Variants in PPRC1 observed in about 807,000 individuals in gnomAD.
PPRC1 encodes the protein PPARG related coactivator 1, also known as peroxisome proliferator-activated receptor gamma coactivator-related protein 1.
A neutral mutation model predicts 132.5 loss-of-function variants in PPRC1; 23 were observed. The observed-to-expected ratio is 0.17, with a 90% CI of 0.12 to 0.25. The LOEUF is 0.25. PPRC1 is among the 10% of genes least tolerant of loss of function. The pLI, the probability that PPRC1 is intolerant of heterozygous loss-of-function variation, is 1.00. For missense variants in PPRC1, 2,006 were observed against 2,089.1 expected (o/e 0.96, Z 0.78); for synonymous variants, 872 against 833.5 (o/e 1.05, Z -0.80).
the PPRC1 span, among the ~76,000 whole-genome samples, chr10:102,127,963 A>C: frequency 6.6e-6 from 1 of 152,166 alleles, no homozygotes. Flanking sequence ...TATTGGGATT[A>C]CAGGTGTGAG....
In PPRC1 at chr10:102,146,819, C is replaced by T; in HGVS notation, c.3827C>T (p.Ala1276Val). The T allele has an allele frequency of 1.2e-6, 2 of 1,614,132 alleles. No individual in the cohort carries two copies. Among genetic ancestry groups the T allele is most frequent in the South Asian group, 2.2e-5 (2 of 91,080 alleles). Residue 1276 changes from alanine (A) to valine (V), a missense_variant, in exon 9 of 14, where the codon GCA becomes GTA. Around this residue, in one of 2 missense-constraint regions of PPRC1, gnomAD observed 1,914 missense variants for 1,917.2 expected, o/e 1.00. Coordinates refer to ENST00000278070, the MANE Select transcript of PPRC1 (RefSeq NM_015062.5). ...EGVTEAKHPA[A>V]VRLQEGVHGP... ...GTTACGGAGGCCAAACATCCAGCTG[C>T]AGTTCGCCTCCAAGAAGGGGTCCAT...
At position 102,141,582 on chromosome 10, in the gene PPRC1, C is replaced by T. The variant is rs139030282; in HGVS notation, c.3074C>T (p.Pro1025Leu). The T allele has an allele frequency of 8.7e-4, 1,409 of 1,614,060 alleles. 2 individuals are homozygous for T. The highest frequency in any genetic ancestry group is 1.1e-3 in the Non-Finnish European group (1,347 of 1,180,052). Residue 1025 changes from proline to leucine, a missense_variant, in exon 5 of 14, where the codon CCT (proline) becomes CTT (leucine). Coordinates refer to ENST00000278070, the MANE Select transcript of PPRC1 (RefSeq NM_015062.5). ...KMESRGTPAG[P>L]PENVLPLSMA... ...GAGTCTAGGGGCACTCCAGCTGGCC[C>T]TCCTGAAAATGTACTTCCCTTGTCG...
chr10:102,146,527 G>A (rs1293042688), intron 8 of PPRC1, 145 bp from the exon 9 acceptor site: 2 of 1,169,030 alleles, frequency 1.7e-6, no homozygotes, highest in African/African-American at 1.5e-5. Flanking sequence ...AGGGGCAGTT[G>A]AAGCAGTGGG....
rs759942837 is a variant in PPRC1 at position 102,147,214 on chromosome 10, G to A, written c.4222G>A (p.Ala1408Thr). The A allele has an allele frequency of 6.2e-7, 1 of 1,613,424 alleles. No homozygotes were observed. The highest frequency in any genetic ancestry group is 1.3e-5 in the African/African-American group (1 of 74,928). ...GCGGTCAATGCGCTGTTACCGAAAA[G>A]CCTGCAGGTCAGCCAGCCCCTCAAG... Reference protein sequence around the residue: ...KQRSMRCYRKACRSASPSSQG... With the variant: ...KQRSMRCYRKTCRSASPSSQG... The change falls in exon 9 of 14, where the codon GCC (alanine) becomes ACC (threonine). Residue 1408 changes from alanine (A) to threonine (T), a missense_variant. By Grantham distance (58) the Ala-to-Thr change is moderately conservative (BLOSUM62 0). Coordinates refer to ENST00000278070, the MANE Select transcript of PPRC1 (RefSeq NM_015062.5).
the PPRC1 span, among the ~76,000 whole-genome samples, chr10:102,120,777 G>A: frequency 2.0e-5 from 3 of 152,286 alleles, no homozygotes; most frequent in African/African-American, 7.2e-5. Context: ...GCCGGATGGG[G>A]AGTCTGGCTG....
the PPRC1 span, among the ~76,000 whole-genome samples, chr10:102,127,885 C>T: frequency 4.6e-5 from 7 of 152,086 alleles, no homozygotes; most frequent in Non-Finnish European, 1.0e-4. Context: ...ACAGGGGTTT[C>T]GCTATGTGTC....
intron 2 of PPRC1, among the ~76,000 whole-genome samples, 188 bp from the exon 3 acceptor site, chr10:102,138,431 T>G (rs1330821283): frequency 6.6e-6 from 1 of 152,202 alleles, no homozygotes; most frequent in Non-Finnish European, 1.5e-5. Context: ...GACAGGTCTC[T>G]GTTGACACCA....
intron 6 of PPRC1, among the ~76,000 whole-genome samples, chr10:102,143,934 T>G (rs1184458758): frequency 1.3e-5 from 2 of 152,216 alleles, no homozygotes. Context: ...AAATGTGATT[T>G]GTAGAACAAG....
At chr10:102,147,729 A>C (rs1015186127) in intron 9 of PPRC1, among the ~76,000 whole-genome samples, 11 of 152,128 alleles carry the variant, frequency 7.2e-5, no homozygotes, top group African/African-American at 2.4e-4. Context: ...TATGTGAGGT[A>C]GTGGGTTACT....
chr10:102,144,064 A>G (rs1297603751), intron 6 of PPRC1, among the ~76,000 whole-genome samples, 186 bp from the exon 7 acceptor site: 3 of 152,212 alleles, frequency 2.0e-5, no homozygotes, highest in Non-Finnish European at 4.4e-5. Context: ...CTGAGCAGAA[A>G]AGAGACATGA....
intron 1 of PPRC1, among the ~76,000 whole-genome samples, chr10:102,136,880 C>T (rs912885695): frequency 6.6e-6 from 1 of 152,158 alleles, no homozygotes; most frequent in Non-Finnish European, 1.5e-5. Context: ...ATGCCTGACA[C>T]GAGAGGCCGT....
Position 102,148,342 on chromosome 10 carries a change from A to T in PPRC1, c.4401-30A>T. ...AGCAGAGTATACCTGAACCACTCCC[A>T]GCATTCCTGCATGCCCTCTTATCCT... On this transcript the variant is annotated intron_variant, in intron 9 of 13. Transcript: ENST00000278070. The surrounding 1 kb of genome is among the most constrained non-coding windows in gnomAD (Gnocchi z 4.2). The T allele has an allele frequency of 6.2e-7, 1 of 1,608,950 alleles. No homozygotes were observed. Among genetic ancestry groups the T allele is most frequent in the Non-Finnish European group, 8.5e-7 (1 of 1,177,904 alleles).
the PPRC1 span, among the ~76,000 whole-genome samples, chr10:102,122,584 T>C: frequency 6.6e-6 from 1 of 151,984 alleles, no homozygotes; most frequent in Non-Finnish European, 1.5e-5. Context: ...CTCTCTTTTC[T>C]GTCCATGAAT....
the PPRC1 span, among the ~76,000 whole-genome samples, chr10:102,126,399 T>C: frequency 1.3e-5 from 2 of 151,348 alleles, no homozygotes; most frequent in African/African-American, 2.4e-5. Flanking sequence ...ATATGTCTTA[T>C]GGACGGCCAA....
chr10:102,149,784 G>A lies in PPRC1; in HGVS notation c.4892-142G>A, dbSNP rs1048556184. The A allele has an allele frequency of 1.9e-5, 13 of 677,508 alleles. No homozygotes were observed. In the African/African-American group the frequency reaches 2.2e-4, roughly 11 times the overall value. The allele number at this position is 677,508 out of a possible 1,614,324, so 42.0% of individuals were successfully genotyped here. A position where few individuals can be genotyped will look rare whatever the true frequency, so the allele number is the denominator to read the frequency against. The stretch of plus-strand genomic sequence containing the variant: ...TGGGACGAGAGGAGAAATGGGGACT[G>A]GGGACTCTCCTATCTCTTTGACTTA... On this transcript the variant is annotated intron_variant, in intron 13 of 13. Coordinates refer to ENST00000278070, the MANE Select transcript of PPRC1 (RefSeq NM_015062.5).
rs769059399 is a variant in PPRC1, at chr10:102,139,820, G to A, written c.1312G>A (p.Val438Met). 6 of 1,614,068 alleles carry A rather than the reference G, an allele frequency of 3.7e-6. No homozygotes were observed. The Admixed American group carries it at 8.3e-5, about 22-fold the overall frequency. ...GCCCAGGGAGGTCGTGGAGCCGGTG[G>A]TGCCCAAGGAGCCTCAGAACCCACC... ...LKPREVVEPV[V>M]PKEPQNPPAN... is the part of the protein sequence containing the mutation. Residue 438 changes from valine to methionine, a missense_variant, in exon 5 of 14, where the codon GTG (valine) becomes ATG (methionine). This residue lies in a region of PPRC1 where 1,914 missense variants were observed against 1,917.2 expected (regional missense o/e 1.00). Coordinates refer to ENST00000278070, the MANE Select transcript of PPRC1 (RefSeq NM_015062.5).
rs764007308 is a variant in PPRC1, at chr10:102,139,790, T to C, written c.1282T>C (p.Leu428=). Residue 428 remains leucine, a synonymous_variant, in exon 5 of 14, where the codon TTG becomes CTG. Coordinates refer to ENST00000278070, the MANE Select transcript of PPRC1 (RefSeq NM_015062.5). ...GGAGAAGCTGGACTCAGCCTGCTTATTGAAGCCCAGGGAGGTCGTGGAGCC... is the reference window on the plus strand; with the variant it reads ...GGAGAAGCTGGACTCAGCCTGCTTACTGAAGCCCAGGGAGGTCGTGGAGCC... ...SEEKLDSACL[L]KPREVVEPVV... is the part of the protein sequence containing the mutation. The C allele has an allele frequency of 1.2e-6, 2 of 1,614,210 alleles. No homozygotes were observed. The highest frequency in any genetic ancestry group is 1.7e-6 in the Non-Finnish European group (2 of 1,180,038).
At position 102,148,354 on chromosome 10, in the gene PPRC1, T is replaced by A. The variant is rs1253635443; in HGVS notation, c.4401-18T>A. 88 of 1,611,478 alleles carry A rather than the reference T, an allele frequency of 5.5e-5. No homozygotes were observed. Among genetic ancestry groups the A allele is most frequent in the Non-Finnish European group, 7.4e-5 (87 of 1,179,338 alleles). ...CTGAACCACTCCCAGCATTCCTGCA[T>A]GCCCTCTTATCCTTCAGGTCCAGCT... On this transcript the variant is annotated intron_variant, in intron 9 of 13. Transcript: ENST00000278070. This position sits in a 1 kb window ranked among gnomAD's most constrained non-coding sequence, Gnocchi z 4.2.
Position 102,145,014 on chromosome 10 carries a change from C to CG in PPRC1, c.3609-5dup. On this transcript the variant is annotated splice_region_variant and splice_polypyrimidine_tract_variant and intron_variant, in intron 7 of 13. Transcript: ENST00000278070. ...AATCAGGCTTTCCCTTTTCCCCCCC[C>CG]GCCAGCGGCGTTGACATTCCCCAGG... is the stretch of plus-strand genomic sequence containing the variant. 1.3e-6 allele frequency: 2 copies of CG among 1,565,832 alleles called. No homozygotes were observed.
Sources: gnomAD v4.1 joint callset for allele counts (sites outside exome capture counted in the v4.1 genomes callset) on GRCh38, gnomAD v4.1.1 for gene constraint, gnomAD v4.1.1 regional missense constraint, Gnocchi (gnomAD v3.1) non-coding constraint, MANE v1.5 for transcripts, NCBI Gene and HGNC (gene_info 2026-07-23, HGNC 2026-07-21) for gene names.